Variants in RORA observed in about 807,000 individuals in gnomAD.
RORA encodes the protein nuclear receptor ROR-alpha.
Under a neutral mutation model 69.5 loss-of-function variants are expected in RORA, and 7 were observed. The observed-to-expected ratio is 0.10, with a 90% CI of 0.06 to 0.19. RORA has a LOEUF of 0.19. Among genes scored for constraint, RORA ranks in the 10% least tolerant of loss-of-function variants. The pLI, the probability that RORA is intolerant of heterozygous loss-of-function variation, is 1.00. For synonymous variants in RORA, 261 were observed against 240.8 expected (o/e 1.08, Z -0.78); for missense variants, 457 against 663.0 (o/e 0.69, Z 3.41).
intron 1 of RORA, among the ~76,000 whole-genome samples, chr15:61,221,594 T>C (rs774270796): frequency 2.6e-5 from 4 of 152,226 alleles, no homozygotes; most frequent in Admixed American, 1.3e-4. Flanking sequence ...CTGTCATTTA[T>C]ACACAATTTT....
intron 1 of RORA, among the ~76,000 whole-genome samples, chr15:61,024,736 C>G (rs946468161): frequency 6.6e-6 from 1 of 152,046 alleles, no homozygotes; most frequent in East Asian, 1.9e-4. Flanking sequence ...AGGCATGAGC[C>G]ACTGCACCTG....
Position 61,226,736 on chromosome 15 carries a change from T to A in RORA, c.166+2317A>T, listed in dbSNP as rs2080148186. Reference sequence around the variant, plus strand: ...TAAAGGATGCCTCCATCTCTGACCTTCCTTTTTCCATTCAGACTGTTATAT... The same window carrying A: ...TAAAGGATGCCTCCATCTCTGACCTACCTTTTTCCATTCAGACTGTTATAT... On this transcript the variant is annotated intron_variant, in intron 1 of 10. Coordinates refer to ENST00000335670, the MANE Select transcript of RORA (RefSeq NM_134261.3). The surrounding 1 kb of genome is among the most constrained non-coding windows in gnomAD (Gnocchi z 4.2). Among the ~76,000 whole-genome samples the A allele has an allele frequency of 6.6e-6, 1 of 152,212 alleles. No homozygotes were observed. The highest frequency in any genetic ancestry group is 2.1e-4 in the South Asian group (1 of 4,828).
intron 2 of RORA, among the ~76,000 whole-genome samples, chr15:60,671,880 G>A (rs931171525): frequency 6.6e-6 from 1 of 151,922 alleles, no homozygotes; most frequent in Non-Finnish European, 1.5e-5. Flanking sequence ...CCAAAGTGCT[G>A]GGATTACAGG....
At chr15:60,709,119 A>G (rs2071108358) in intron 1 of RORA, among the ~76,000 whole-genome samples, 1 of 152,176 alleles carries the variant, frequency 6.6e-6, no homozygotes, top group African/African-American at 2.4e-5. Flanking sequence ...CAAAACTTAT[A>G]TCAGAAAGAT....
chr15:60,704,215 G>A (rs2071026534), intron 1 of RORA, among the ~76,000 whole-genome samples: 1 of 152,222 alleles, frequency 6.6e-6, no homozygotes, highest in South Asian at 2.1e-4. Context: ...GGTTTCTCCC[G>A]AGGTGTTTAC....
chr15:60,520,591 T>C (rs1221949510), intron 3 of RORA, among the ~76,000 whole-genome samples: 1 of 152,062 alleles, frequency 6.6e-6, no homozygotes, highest in Non-Finnish European at 1.5e-5. Context: ...AGATTTTGTC[T>C]GATTGGGGAG....
At chr15:60,543,483 C>T (rs2066967972) in intron 2 of RORA, among the ~76,000 whole-genome samples, 1 of 149,746 alleles carries the variant, frequency 6.7e-6, no homozygotes, top group Admixed American at 6.6e-5. Context: ...TCATCACTGT[C>T]TTTTTTTTTT....
intron 1 of RORA, among the ~76,000 whole-genome samples, chr15:60,802,885 T>C (rs1312083918): frequency 6.6e-6 from 1 of 152,182 alleles, no homozygotes; most frequent in African/African-American, 2.4e-5. Context: ...GGTTCTGTGT[T>C]CCAGAAAAAA....
intron 2 of RORA, among the ~76,000 whole-genome samples, chr15:60,582,692 C>T (rs1385342515): frequency 6.6e-6 from 1 of 152,228 alleles, no homozygotes; most frequent in East Asian, 1.9e-4. Flanking sequence ...GAGCTCTACA[C>T]CTTGGGACCA....
intron 2 of RORA, among the ~76,000 whole-genome samples, chr15:60,570,134 G>A (rs985902682): frequency 2.6e-5 from 4 of 152,126 alleles, no homozygotes; most frequent in East Asian, 3.9e-4. Context: ...GAAGATAGCC[G>A]ATCACGGGCC....
At chr15:61,109,026 T>C (rs1182440048) in intron 1 of RORA, among the ~76,000 whole-genome samples, 2 of 152,058 alleles carry the variant, frequency 1.3e-5, no homozygotes, top group Admixed American at 1.3e-4. Flanking sequence ...TAAAACTCTG[T>C]CTCTACTAAA....
At chr15:60,906,705 C>G (rs78005790) in intron 1 of RORA, among the ~76,000 whole-genome samples, 1 of 152,118 alleles carries the variant, frequency 6.6e-6, no homozygotes, top group African/African-American at 2.4e-5. Flanking sequence ...CAGGGGCTAG[C>G]TATGCAGAAA....
At chr15:60,964,172 A>T (rs2140345712) in intron 1 of RORA, among the ~76,000 whole-genome samples, 1 of 152,306 alleles carries the variant, frequency 6.6e-6, no homozygotes, top group South Asian at 2.1e-4. Context: ...AGTTCATCTG[A>T]TTCCTACCCC....
At chr15:60,660,335 CA>C (rs1567145168) in intron 2 of RORA, among the ~76,000 whole-genome samples, 2 of 152,114 alleles carry the variant, frequency 1.3e-5, no homozygotes, top group Non-Finnish European at 2.9e-5. Flanking sequence ...TCAGTTTTCC[CA>C]AATGCATAAA....
intron 1 of RORA, among the ~76,000 whole-genome samples, chr15:60,859,577 G>C (rs2073415945): frequency 6.7e-6 from 1 of 149,412 alleles, no homozygotes; most frequent in African/African-American, 2.5e-5. Flanking sequence ...GACTGCCCAA[G>C]AGATTGTCCC....
At chr15:60,573,293 A>G (rs1424095321) in intron 2 of RORA, among the ~76,000 whole-genome samples, 2 of 152,202 alleles carry the variant, frequency 1.3e-5, no homozygotes, top group Non-Finnish European at 1.5e-5. Context: ...ATCAATTTAT[A>G]TCAAGCAAAG....
intron 1 of RORA, among the ~76,000 whole-genome samples, chr15:61,132,089 G>A (rs1296047819): frequency 6.6e-6 from 1 of 152,142 alleles, no homozygotes; most frequent in Admixed American, 6.5e-5. Context: ...TTTTAAAAAA[G>A]GAGGAATTTG....
chr15:61,150,042 AGTATCATTGGTTTTC>A (rs558259783), intron 1 of RORA, among the ~76,000 whole-genome samples: 58 of 152,186 alleles, frequency 3.8e-4, no homozygotes, highest in Non-Finnish European at 6.8e-4. Context: ...TTTTAAGATA[AGTATCATTGGTTTTC>A]AAAGAGTACT....
At chr15:60,768,293 T>C (rs1464229012) in intron 1 of RORA, among the ~76,000 whole-genome samples, 1 of 152,190 alleles carries the variant, frequency 6.6e-6, no homozygotes, top group Non-Finnish European at 1.5e-5. Context: ...TTGCTGGGCA[T>C]GGAACAGGTA....
Sources: allele counts gnomAD v4.1 joint callset (sites outside exome capture counted in the v4.1 genomes callset), GRCh38; gene constraint gnomAD v4.1.1; non-coding constraint Gnocchi (gnomAD v3.1); transcripts MANE v1.5; gene names NCBI Gene and HGNC (gene_info 2026-07-23, HGNC 2026-07-21).